The following RYR2 variants were observed in gnomAD, a reference collection of about 807,000 sequenced individuals.
RYR2 encodes ryanodine receptor 2, also known as cardiac muscle ryanodine receptor-calcium release channel.
A neutral mutation model predicts 601.1 loss-of-function variants in RYR2; 227 were observed. That is an observed-to-expected ratio of 0.38 (90% CI 0.34 to 0.42). RYR2 has a LOEUF of 0.42. RYR2 is among the 10% of genes least tolerant of loss of function. The pLI, the probability that RYR2 is intolerant of heterozygous loss-of-function variation, is 1.00. For missense variants in RYR2, 4,646 were observed against 6,156.5 expected, an observed-to-expected ratio of 0.75 and a Z score of 8.21; for synonymous variants, 2,223 against 2,175.1, an observed-to-expected ratio of 1.02 and a Z score of -0.61.
intron 1 of RYR2, among the ~76,000 whole-genome samples, chr1:237,246,681 A>G (rs1686881769): frequency 6.6e-6 from 1 of 152,152 alleles, no homozygotes; most frequent in Admixed American, 6.5e-5. Context: ...TGAATTCCCA[A>G]GTAACCTTGG....
At chr1:237,619,701 G>A (rs558665172) in intron 38 of RYR2, among the ~76,000 whole-genome samples, 5 of 151,768 alleles carry the variant, frequency 3.3e-5, no homozygotes, top group East Asian at 1.9e-4. Context: ...AATTAAAGAC[G>A]GAGTCTTTAA....
chr1:237,306,505 C>T (rs1199072261), intron 2 of RYR2, among the ~76,000 whole-genome samples: 1 of 152,146 alleles, frequency 6.6e-6, no homozygotes, highest in Non-Finnish European at 1.5e-5. Context: ...AAATTGATTT[C>T]TTTGGATATT....
At chr1:237,785,614 C>T (rs1224695335) in intron 90 of RYR2, among the ~76,000 whole-genome samples, 13 of 152,080 alleles carry the variant, frequency 8.5e-5, no homozygotes, top group Admixed American at 7.9e-4. Flanking sequence ...ATGGCAATGC[C>T]GCTATGGTTT....
rs763937941 is a variant in RYR2, at chr1:237,577,500, C to CTGTGTGTG, written c.3598+8210_3598+8217dup. Among the ~76,000 whole-genome samples, 82 of 113,848 alleles carry CTGTGTGTG rather than the reference C, an allele frequency of 7.2e-4. 1 individual carries two copies. Among genetic ancestry groups the CTGTGTGTG allele is most frequent in the Non-Finnish European group, 1.1e-3 (56 of 52,568 alleles). 74.7% of individuals were successfully genotyped at this position (113,848 alleles called of 152,430 possible). ...AAGAAGGAAGTAGGAGTGTGTGTTT[C>CTGTGTGTG]TGTGTGTGTGTGTGTGTGTGTGTGT... On this transcript the variant is annotated intron_variant, in intron 29 of 104. Transcript: ENST00000366574.
chr1:237,601,968 T>C, intron 34 of RYR2, 57 bp from the exon 35 acceptor site: 1 of 1,477,782 alleles, frequency 6.8e-7, no homozygotes, highest in Non-Finnish European at 9.3e-7. Flanking sequence ...AAAGAAAAAC[T>C]TTTTCCCTTG....
chr1:237,475,796 G>C (rs571797546), intron 17 of RYR2, among the ~76,000 whole-genome samples: 3 of 152,160 alleles, frequency 2.0e-5, no homozygotes, highest in Non-Finnish European at 4.4e-5. Flanking sequence ...TGTATACTAA[G>C]AGTATCTGAT....
At chr1:237,224,106 C>T (rs911100137) in intron 1 of RYR2, among the ~76,000 whole-genome samples, 1 of 151,976 alleles carries the variant, frequency 6.6e-6, no homozygotes, top group Non-Finnish European at 1.5e-5. Flanking sequence ...CAGTTGAACC[C>T]TTGAGTAACG....
chr1:237,659,751 A>G (rs979413022), intron 54 of RYR2, among the ~76,000 whole-genome samples: 1 of 152,208 alleles, frequency 6.6e-6, no homozygotes, highest in Admixed American at 6.5e-5. Flanking sequence ...TACATCATGC[A>G]ATATGTCCAT....
intron 20 of RYR2, among the ~76,000 whole-genome samples, chr1:237,499,746 G>A (rs1415156236): frequency 1.3e-5 from 2 of 152,006 alleles, no homozygotes; most frequent in African/African-American, 4.8e-5. Flanking sequence ...TGGCATGCTA[G>A]AAATAAAAAG....
chr1:237,799,625 T>C (rs1659715354), intron 97 of RYR2, among the ~76,000 whole-genome samples: 1 of 152,170 alleles, frequency 6.6e-6, no homozygotes, highest in Admixed American at 6.5e-5. Flanking sequence ...AATGTACAAC[T>C]AGGAAAAAGA....
chr1:237,709,073 T>C lies in RYR2; in HGVS notation c.10117T>C (p.Leu3373=), dbSNP rs1302363958. The change falls in exon 69 of 105, where the codon TTG becomes CTG. Residue 3373 remains leucine (L), a synonymous_variant. Coordinates refer to ENST00000366574, the MANE Select transcript of RYR2 (RefSeq NM_001035.3). The part of the protein sequence containing the change: ...ARDLYAFYPL[L]IRFVDYNRAK... ...AGATCTCTATGCCTTCTACCCTCTCTTGATTAGATTTGTGGACTATAACAG... is the reference window on the plus strand; with the variant it reads ...AGATCTCTATGCCTTCTACCCTCTCCTGATTAGATTTGTGGACTATAACAG... The C allele has an allele frequency of 6.3e-7, 1 of 1,591,390 alleles. No individual in the cohort carries two copies. The highest frequency in any genetic ancestry group is 8.6e-7 in the Non-Finnish European group (1 of 1,167,954).
intron 1 of RYR2, among the ~76,000 whole-genome samples, chr1:237,060,900 T>C (rs1194568266): frequency 6.6e-6 from 1 of 152,246 alleles, no homozygotes; most frequent in Non-Finnish European, 1.5e-5. Flanking sequence ...ATGTATACAT[T>C]TCTGCTGGAT....
At chr1:237,215,626 T>G (rs1476254035) in intron 1 of RYR2, among the ~76,000 whole-genome samples, 1 of 152,196 alleles carries the variant, frequency 6.6e-6, no homozygotes, top group Non-Finnish European at 1.5e-5. Flanking sequence ...GACTGGGTTT[T>G]GAAGACCAGC....
intron 6 of RYR2, among the ~76,000 whole-genome samples, chr1:237,372,671 T>A (rs763480559): frequency 2.0e-5 from 3 of 152,214 alleles, no homozygotes; most frequent in Non-Finnish European, 4.4e-5. Context: ...AGCTAATAAA[T>A]GTGAGGGTTT....
chr1:237,535,603 A>G (rs1429947015), intron 25 of RYR2, among the ~76,000 whole-genome samples: 1 of 152,078 alleles, frequency 6.6e-6, no homozygotes, highest in Non-Finnish European at 1.5e-5. Flanking sequence ...TTTTCTGATG[A>G]TATGATTTTC....
intron 3 of RYR2, among the ~76,000 whole-genome samples, chr1:237,339,086 C>T (rs1017598727): frequency 2.0e-5 from 3 of 151,962 alleles, no homozygotes; most frequent in Admixed American, 6.6e-5. Context: ...CTGTAAAATA[C>T]AGAATTAAAC....
At chr1:237,656,477 A>G (rs1345141852) in intron 53 of RYR2, among the ~76,000 whole-genome samples, 3 of 152,192 alleles carry the variant, frequency 2.0e-5, no homozygotes, top group Non-Finnish European at 4.4e-5. Flanking sequence ...AGGGAATATC[A>G]AATGAGAATT....
chr1:237,070,360 C>T (rs1366251700), intron 1 of RYR2, among the ~76,000 whole-genome samples: 1 of 152,146 alleles, frequency 6.6e-6, no homozygotes, highest in African/African-American at 2.4e-5. Flanking sequence ...TCAAACCATC[C>T]TCCAACAGCT....
intron 87 of RYR2, among the ~76,000 whole-genome samples, chr1:237,778,135 T>TTACTC (rs753568614): frequency 1.1e-4 from 16 of 152,204 alleles, no homozygotes; most frequent in Non-Finnish European, 2.2e-4. Flanking sequence ...TAAGCAAGTA[T>TTACTC]TACTCTTTTA....
Sources: allele counts gnomAD v4.1 joint callset (sites outside exome capture counted in the v4.1 genomes callset), GRCh38; gene constraint gnomAD v4.1.1; transcripts MANE v1.5; gene names NCBI Gene and HGNC (gene_info 2026-07-23, HGNC 2026-07-21).